ZBTB40: variants seen among roughly 807,000 people sequenced by gnomAD.
The protein encoded by ZBTB40 is zinc finger and BTB domain containing 40.
Under a neutral mutation model 117.5 loss-of-function variants are expected in ZBTB40, and 60 were observed. The observed-to-expected ratio is 0.51, with a 90% CI of 0.41 to 0.63. ZBTB40 has a LOEUF of 0.63. Among genes scored for constraint, ZBTB40 ranks in the 30% least tolerant of loss-of-function variants. The pLI is 0.00. For synonymous variants in ZBTB40, 525 were observed against 577.1 expected (o/e 0.91, Z 1.29); for missense variants, 1,287 against 1,498.5 (o/e 0.86, Z 2.33).
chr1:22,446,678 G>A (rs1193947901), intron 1 of ZBTB40, among the ~76,000 whole-genome samples: 1 of 152,082 alleles, frequency 6.6e-6, no homozygotes, highest in African/African-American at 2.4e-5. Context: ...TCTGTACGCT[G>A]TGGAATTAAA....
intron 1 of ZBTB40, chr1:22,452,883 A>G (rs1328982119): frequency 2.0e-5 from 3 of 152,356 alleles, no homozygotes; most frequent in African/African-American, 4.8e-5. Context: ...CAGTGCTGCA[A>G]TGAACCAGGT....
upstream of ZBTB40, among the ~76,000 whole-genome samples, chr1:22,447,508 A>AG (rs1361893553): frequency 6.6e-6 from 1 of 152,180 alleles, no homozygotes; most frequent in Non-Finnish European, 1.5e-5. Flanking sequence ...AGAAACCCTG[A>AG]GGGGAGAAAC....
intron 12 of ZBTB40, among the ~76,000 whole-genome samples, chr1:22,515,141 C>G (rs1639342133): frequency 6.6e-6 from 1 of 152,058 alleles, no homozygotes; most frequent in Admixed American, 6.6e-5. Flanking sequence ...AGAGATGGAG[C>G]CAGTGAAAGA....
intron 1 of ZBTB40, among the ~76,000 whole-genome samples, chr1:22,445,819 C>T (rs903584243): frequency 6.7e-6 from 1 of 148,264 alleles, no homozygotes; most frequent in Non-Finnish European, 1.5e-5. Context: ...CACACCACTG[C>T]ACTCCAGCCT....
chr1:22,454,948 A>T (rs2124380847), intron 1 of ZBTB40, among the ~76,000 whole-genome samples: 1 of 152,366 alleles, frequency 6.6e-6, no homozygotes, highest in Non-Finnish European at 1.5e-5. Flanking sequence ...AGACAAAATT[A>T]AGAATGGGGG....
chr1:22,458,971 C>A (rs995145118), intron 1 of ZBTB40, among the ~76,000 whole-genome samples: 3 of 152,050 alleles, frequency 2.0e-5, no homozygotes, highest in East Asian at 3.9e-4. Flanking sequence ...ATACCTAAAC[C>A]CTTCTTCTCT....
At chr1:22,519,215 A>G (rs1639455892) in intron 13 of ZBTB40, among the ~76,000 whole-genome samples, 1 of 152,286 alleles carries the variant, frequency 6.6e-6, no homozygotes, top group Non-Finnish European at 1.5e-5. Flanking sequence ...GGATTTTATT[A>G]AAACATTTTG....
At chr1:22,464,134 C>A (rs1305367978) in intron 1 of ZBTB40, among the ~76,000 whole-genome samples, 1 of 152,248 alleles carries the variant, frequency 6.6e-6, no homozygotes, top group Non-Finnish European at 1.5e-5. Flanking sequence ...AATCTTCCAG[C>A]AGCCCAATGA....
At chr1:22,461,196 C>G (rs764414363) in intron 1 of ZBTB40, among the ~76,000 whole-genome samples, 27 of 152,188 alleles carry the variant, frequency 1.8e-4, no homozygotes, top group Non-Finnish European at 3.4e-4. Flanking sequence ...TTTGACCACT[C>G]TAGACACAAG....
At position 22,529,871 on chromosome 1, in the gene ZBTB40, TCAGA is replaced by T. The variant is rs1639783980; in HGVS notation, c.*3483_*3486del. ...GGCTGAGGGGTGAAAAGAAATCCAG[TCAGA>T]CAGACAGTGGGGAGACAGGTCCCTG... On this transcript the variant is annotated 3_prime_UTR_variant, in exon 18 of 18. Coordinates refer to ENST00000375647, the MANE Select transcript of ZBTB40 (RefSeq NM_014870.4). 6.6e-6 allele frequency: 1 copy of T among 151,872 alleles called. No homozygotes were observed. The highest frequency in any genetic ancestry group is 1.5e-5 in the Non-Finnish European group (1 of 67,982). 9.4% of individuals were successfully genotyped at this position (151,872 alleles called of 1,614,324 possible). A position where few individuals can be genotyped will look rare whatever the true frequency, so the allele number is the denominator to read the frequency against.
intron 17 of ZBTB40, 77 bp from the exon 18 acceptor site, chr1:22,526,125 A>G (rs1258099787): frequency 1.3e-6 from 2 of 1,518,152 alleles, no homozygotes; most frequent in East Asian, 2.3e-5. Context: ...TCATTACAGC[A>G]TGAGATGAAA....
intron 3 of ZBTB40, among the ~76,000 whole-genome samples, chr1:22,500,389 C>T (rs960826231): frequency 6.6e-6 from 1 of 152,046 alleles, no homozygotes; most frequent in Non-Finnish European, 1.5e-5. Context: ...AGGGTTAGAG[C>T]TGCTTTTCAG....
At chr1:22,439,120 C>T (rs1348383138) in intron 1 of ZBTB40, among the ~76,000 whole-genome samples, 1 of 152,174 alleles carries the variant, frequency 6.6e-6, no homozygotes, top group Non-Finnish European at 1.5e-5. Flanking sequence ...CCCGCCTTGG[C>T]CCCCCAAAGT....
chr1:22,478,165 G>T (rs79229274), intron 1 of ZBTB40, among the ~76,000 whole-genome samples: 2,291 of 152,328 alleles, frequency 0.015, 23 homozygotes, highest in South Asian at 0.032. Flanking sequence ...GTGTCAGACT[G>T]CCCAGTTTTG....
At chr1:22,430,016 T>A (rs1640557371) in intron 1 of ZBTB40, among the ~76,000 whole-genome samples, 1 of 152,172 alleles carries the variant, frequency 6.6e-6, no homozygotes, top group Non-Finnish European at 1.5e-5. Context: ...AAAAAAAGTA[T>A]GATGTCTGCT....
intron 10 of ZBTB40, 46 bp downstream of exon 10, chr1:22,511,393 G>A: frequency 6.2e-7 from 1 of 1,608,758 alleles, no homozygotes; most frequent in Non-Finnish European, 8.5e-7. Flanking sequence ...CAGCACACCA[G>A]GTTGTTTCTT....
intron 8 of ZBTB40, 79 bp from the exon 9 acceptor site, chr1:22,509,021 G>A: frequency 6.2e-7 from 1 of 1,609,282 alleles, no homozygotes. Flanking sequence ...TCATTATGAA[G>A]AGTTGAGTGG....
intron 16 of ZBTB40, among the ~76,000 whole-genome samples, chr1:22,523,367 CAT>C (rs1436540497): frequency 6.6e-6 from 1 of 152,170 alleles, no homozygotes; most frequent in African/African-American, 2.4e-5. Flanking sequence ...ACTAATTTGA[CAT>C]AGATTTTTAT....
intron 1 of ZBTB40, among the ~76,000 whole-genome samples, chr1:22,458,278 T>C (rs1220203285): frequency 6.6e-6 from 1 of 152,240 alleles, no homozygotes; most frequent in African/African-American, 2.4e-5. Context: ...TTAAAACTCT[T>C]GGATGGCTTG....
Sources: gnomAD v4.1 joint callset for allele counts (sites outside exome capture counted in the v4.1 genomes callset) on GRCh38, gnomAD v4.1.1 for gene constraint, MANE v1.5 for transcripts, NCBI Gene and HGNC (gene_info 2026-07-23, HGNC 2026-07-21) for gene names.